ZC4H2: variants seen among roughly 807,000 people sequenced by gnomAD.
ZC4H2 encodes zinc finger C4H2 domain-containing protein.
For synonymous variants in ZC4H2, 84 were observed against 66.3 expected, an observed-to-expected ratio of 1.27 and a Z score of -1.30; for missense variants, 137 against 173.9, an observed-to-expected ratio of 0.79 and a Z score of 1.19.
At chrX:64,937,094 GA>G (rs58864488) in intron 1 of ZC4H2, among the ~76,000 whole-genome samples, 24,473 of 97,062 alleles carry the variant, frequency 0.25, 7,245 homozygotes, top group African/African-American at 0.81. Context: ...CAAATGGAAA[GA>G]AAAAAAAAAA....
At position 64,937,838 on chromosome X, in the gene ZC4H2, T is replaced by C. The variant is rs960132759; in HGVS notation, c.54-15850A>G. 5.4e-5 allele frequency among the ~76,000 whole-genome samples: 6 copies of C among 111,142 alleles called. No individual in the cohort carries two copies. The Admixed American group carries it at 5.7e-4, about 11-fold the overall frequency. ...TCCCCACAAGAGAAAGCAGAAAAGA[T>C]CTAAAATTGACACCCTAACATCACA... On this transcript the variant is annotated intron_variant, in intron 1 of 4. Transcript: ENST00000374839.
chrX:64,983,891 G>C (rs769899613), intron 1 of ZC4H2, among the ~76,000 whole-genome samples: 2 of 111,891 alleles, frequency 1.8e-5, no homozygotes, highest in South Asian at 7.5e-4. Context: ...ATGTCTTCTT[G>C]ACCCAACATT....
chrX:64,996,693 A>G (rs1932420259), intron 1 of ZC4H2, among the ~76,000 whole-genome samples: 1 of 111,724 alleles, frequency 9.0e-6, no homozygotes, highest in Admixed American at 9.5e-5. Flanking sequence ...AATAACTGAA[A>G]TAAAAAAAAT....
At chrX:64,946,598 C>G (rs1220867229) in intron 1 of ZC4H2, among the ~76,000 whole-genome samples, 1 of 110,196 alleles carries the variant, frequency 9.1e-6, no homozygotes, top group East Asian at 2.8e-4. Context: ...CACACACACA[C>G]ACACACACAC....
chrX:64,940,029 T>C (rs980984203), intron 1 of ZC4H2, among the ~76,000 whole-genome samples: 3 of 111,447 alleles, frequency 2.7e-5, no homozygotes, highest in Non-Finnish European at 3.8e-5. Flanking sequence ...TTGCAATTAT[T>C]ATAAAAGCTT....
intron 1 of ZC4H2, among the ~76,000 whole-genome samples, chrX:65,027,034 A>G (rs1932886601): frequency 8.9e-6 from 1 of 112,531 alleles, no homozygotes; most frequent in Admixed American, 9.4e-5. Context: ...GAAGGACTAT[A>G]ATAGTTCCAG....
intron 1 of ZC4H2, among the ~76,000 whole-genome samples, chrX:64,937,838 T>A (rs960132759): frequency 9.0e-6 from 1 of 111,144 alleles, no homozygotes; most frequent in African/African-American, 3.3e-5. Context: ...GCAGAAAAGA[T>A]CTAAAATTGA....
chrX:65,007,038 A>T (rs1569229140), intron 1 of ZC4H2, among the ~76,000 whole-genome samples: 1 of 111,972 alleles, frequency 8.9e-6, no homozygotes, highest in Non-Finnish European at 1.9e-5. Flanking sequence ...AGTTTCATGC[A>T]GGCATGCTGA....
intron 1 of ZC4H2, among the ~76,000 whole-genome samples, chrX:64,940,327 T>G (rs921109013): frequency 9.0e-6 from 1 of 111,452 alleles, no homozygotes; most frequent in African/African-American, 3.3e-5. Context: ...ATGGATAGAT[T>G]GTAAAAATTT....
intron 1 of ZC4H2, among the ~76,000 whole-genome samples, chrX:64,967,708 G>A (rs1044944529): frequency 7.0e-4 from 78 of 111,812 alleles, no homozygotes; most frequent in Non-Finnish European, 1.4e-3. Flanking sequence ...TTTCAGAGGT[G>A]AATAAATAAA....
At chrX:64,963,623 G>T (rs184837288) in intron 1 of ZC4H2, among the ~76,000 whole-genome samples, 37 of 111,416 alleles carry the variant, frequency 3.3e-4, no homozygotes, top group Non-Finnish European at 6.6e-4. Flanking sequence ...GGGCAAAGGA[G>T]TTCCATAAAC....
At chrX:64,925,906 C>A (rs1929404338) in intron 1 of ZC4H2, among the ~76,000 whole-genome samples, 1 of 112,063 alleles carries the variant, frequency 8.9e-6, no homozygotes, top group South Asian at 3.7e-4. Context: ...CATCCAAGGT[C>A]TTTGGGAGCC....
At chrX:65,012,803 G>A (rs757127415) in intron 1 of ZC4H2, among the ~76,000 whole-genome samples, 2 of 111,900 alleles carry the variant, frequency 1.8e-5, no homozygotes, top group South Asian at 3.7e-4. Context: ...TAACATTTCA[G>A]TGACCTTCTC....
At chrX:64,971,915 GC>G (rs1157329266) in intron 1 of ZC4H2, among the ~76,000 whole-genome samples, 2 of 111,324 alleles carry the variant, frequency 1.8e-5, no homozygotes, top group Non-Finnish European at 3.8e-5. Context: ...GTGAGTGTAC[GC>G]AATACACATG....
chrX:64,997,038 T>C (rs1043260315), intron 1 of ZC4H2, among the ~76,000 whole-genome samples: 1 of 111,958 alleles, frequency 8.9e-6, no homozygotes, highest in Admixed American at 9.4e-5. Flanking sequence ...TGATACAAAC[T>C]GACACATACT....
intron 1 of ZC4H2, among the ~76,000 whole-genome samples, chrX:64,943,069 C>G (rs983515131): frequency 8.9e-6 from 1 of 111,930 alleles, no homozygotes; most frequent in African/African-American, 3.3e-5. Context: ...ATGCATTTCT[C>G]TAATGACCAG....
At position 64,920,271 on chromosome X, in the gene ZC4H2, A is replaced by G; in HGVS notation, c.226-18T>C. 8.3e-7 allele frequency: 1 copy of G among 1,201,653 alleles called. No homozygotes were observed. Among genetic ancestry groups the G allele is most frequent in the Middle Eastern group, 2.3e-4 (1 of 4,314 alleles). ...TTTTCCATCTGGAACATAGAGTGGGATAGGCACAGAGAAAAGATCCTAAGG... is the reference window on the plus strand; with the variant it reads ...TTTTCCATCTGGAACATAGAGTGGGGTAGGCACAGAGAAAAGATCCTAAGG... On this transcript the variant is annotated intron_variant, in intron 2 of 4. Transcript: ENST00000374839.
chrX:64,997,864 T>C (rs1932449861), intron 1 of ZC4H2, among the ~76,000 whole-genome samples: 1 of 111,935 alleles, frequency 8.9e-6, no homozygotes, highest in Non-Finnish European at 1.9e-5. Flanking sequence ...GCAATCTGCC[T>C]GGCTCAGCCT....
intron 1 of ZC4H2, among the ~76,000 whole-genome samples, chrX:64,951,826 T>C (rs1447579309): frequency 9.0e-6 from 1 of 111,506 alleles, no homozygotes; most frequent in African/African-American, 3.3e-5. Context: ...TTGTCAATTT[T>C]GGCTTTTGTT....
Sources: allele counts gnomAD v4.1 joint callset (sites outside exome capture counted in the v4.1 genomes callset), GRCh38; gene constraint gnomAD v4.1.1; transcripts MANE v1.5; gene names NCBI Gene and HGNC (gene_info 2026-07-23, HGNC 2026-07-21).